Variants in DDX46 observed in about 807,000 individuals in gnomAD.
DDX46 encodes the protein DEAD-box helicase 46.
Under a neutral mutation model 134.9 loss-of-function variants are expected in DDX46, and 30 were observed. The ratio of observed to expected loss-of-function variants is 0.22; its 90% CI spans 0.17 to 0.30. The LOEUF (loss-of-function observed/expected upper bound fraction) is 0.30, where lower values mean the gene tolerates loss of function less well. Among genes scored for constraint, DDX46 ranks in the 10% least tolerant of loss-of-function variants. The pLI, the probability that DDX46 is intolerant of heterozygous loss-of-function variation, is 1.00. For synonymous variants in DDX46, 415 were observed against 404.1 expected (o/e 1.03, Z -0.32); for missense variants, 622 against 1,248.7 (o/e 0.50, Z 7.56).
intron 13 of DDX46, among the ~76,000 whole-genome samples, chr5:134,792,216 C>T (rs1303724940): frequency 6.6e-6 from 1 of 151,886 alleles, no homozygotes; most frequent in East Asian, 1.9e-4. Flanking sequence ...TAATAATAAT[C>T]AGCTTTGAGT....
chr5:134,807,664 T>G, intron 15 of DDX46, 84 bp from the exon 16 acceptor site: 2 of 1,264,116 alleles, frequency 1.6e-6, no homozygotes, highest in African/African-American at 1.5e-5. Flanking sequence ...TGTCAATTTG[T>G]TCTTCACTGA....
At chr5:134,780,631 A>C (rs554381331) in intron 6 of DDX46, 136 of 150,610 alleles carry the variant, frequency 9.0e-4, no homozygotes, top group African/African-American at 3.2e-3. Context: ...AATTATTTAT[A>C]ATACAGTAAA....
chr5:134,767,203 T>C, intron 3 of DDX46, 143 bp downstream of exon 3: 1 of 1,010,472 alleles, frequency 9.9e-7, no homozygotes, highest in Non-Finnish European at 1.4e-6. Flanking sequence ...GGCAGTGTTT[T>C]ATTTTAATTG....
chr5:134,764,481 C>T (rs1580768961), intron 2 of DDX46, among the ~76,000 whole-genome samples: 1 of 152,212 alleles, frequency 6.6e-6, no homozygotes, highest in Middle Eastern at 3.4e-3. Flanking sequence ...CGGTGTTTTG[C>T]CATGTTGGCC....
At chr5:134,815,706 C>CAAAAAAA (rs374562980) in intron 18 of DDX46, among the ~76,000 whole-genome samples, 8 of 28,696 alleles carry the variant, frequency 2.8e-4, no homozygotes, top group East Asian at 7.8e-4. Context: ...GACTCTGTCT[C>CAAAAAAA]AAAAAAAAAA....
At chr5:134,820,519 T>C (rs1260255919) in intron 21 of DDX46, among the ~76,000 whole-genome samples, 1 of 152,054 alleles carries the variant, frequency 6.6e-6, no homozygotes, top group Non-Finnish European at 1.5e-5. Context: ...TGTGCTACCA[T>C]ACCTGGCTAA....
chr5:134,826,928 C>G lies in DDX46; in HGVS notation c.2978-19C>G, dbSNP rs970336667. 2 of 1,609,476 alleles carry G rather than the reference C, an allele frequency of 1.2e-6. No homozygotes were observed. The highest frequency in any genetic ancestry group is 1.7e-6 in the Non-Finnish European group (2 of 1,178,124). On this transcript the variant is annotated intron_variant, in intron 21 of 22. Coordinates refer to ENST00000452510, the MANE Select transcript of DDX46 (RefSeq NM_001300860.2). ...TAAGTTTAGTAATTTGAATAATATG[C>G]TTTCCACTCAATCACTAGGTGCCAA...
chr5:134,768,311 C>T (rs970688073), intron 3 of DDX46, among the ~76,000 whole-genome samples: 6 of 151,690 alleles, frequency 4.0e-5, no homozygotes, highest in South Asian at 2.1e-4. Flanking sequence ...GGGGTTTCAC[C>T]GTGTTAGCCA....
intron 21 of DDX46, among the ~76,000 whole-genome samples, chr5:134,823,128 T>C (rs1755499512): frequency 6.6e-6 from 1 of 151,962 alleles, no homozygotes; most frequent in African/African-American, 2.4e-5. Context: ...AACTCAGGTT[T>C]TGTTTATCTG....
At chr5:134,792,757 A>G (rs568352553) in intron 13 of DDX46, among the ~76,000 whole-genome samples, 1 of 152,316 alleles carries the variant, frequency 6.6e-6, no homozygotes, top group East Asian at 1.9e-4. Flanking sequence ...GCATTATCTC[A>G]TGTATTTATG....
chr5:134,788,404 A>G, intron 11 of DDX46, 109 bp from the exon 12 acceptor site: 1 of 790,748 alleles, frequency 1.3e-6, no homozygotes, highest in South Asian at 2.0e-5. Context: ...ATAATTAAGC[A>G]GGAAGCTTGG....
chr5:134,765,306 G>A (rs1191396004), intron 2 of DDX46, among the ~76,000 whole-genome samples: 1 of 150,912 alleles, frequency 6.6e-6, no homozygotes, highest in Non-Finnish European at 1.5e-5. Context: ...AGCACTTTGG[G>A]AGGCCAAGGT....
rs150110092 is a variant in DDX46 at position 134,775,790 on chromosome 5, C to T, written c.614-1784C>T. ...TACAAGTGTGAGCCATTACGCCCAG[C>T]CAAGTAGTCGTGATGTCTTAATTCT... On this transcript the variant is annotated intron_variant, in intron 5 of 22. Coordinates refer to ENST00000452510, the MANE Select transcript of DDX46 (RefSeq NM_001300860.2). Among the ~76,000 whole-genome samples, 21 of 152,270 alleles carry T rather than the reference C, an allele frequency of 1.4e-4. No homozygotes were observed. In the East Asian group the frequency reaches 3.5e-3, roughly 25 times the overall value.
At chr5:134,822,794 C>A (rs1755492034) in intron 21 of DDX46, among the ~76,000 whole-genome samples, 1 of 151,968 alleles carries the variant, frequency 6.6e-6, no homozygotes, top group Non-Finnish European at 1.5e-5. Flanking sequence ...CCAGACTGTT[C>A]TTGAACTCCT....
intron 12 of DDX46, among the ~76,000 whole-genome samples, chr5:134,789,578 A>G (rs1419283252): frequency 2.6e-5 from 4 of 151,718 alleles, no homozygotes; most frequent in African/African-American, 9.7e-5. Flanking sequence ...AATGCTGATT[A>G]AATAATCCCT....
chr5:134,779,846 C>T (rs920873621), intron 6 of DDX46, among the ~76,000 whole-genome samples: 2 of 152,218 alleles, frequency 1.3e-5, no homozygotes, highest in African/African-American at 4.8e-5. Flanking sequence ...TGCCTGTAAT[C>T]CCAACATTTT....
chr5:134,800,767 C>T (rs1433053885), intron 15 of DDX46, among the ~76,000 whole-genome samples: 1 of 152,142 alleles, frequency 6.6e-6, no homozygotes, highest in Non-Finnish European at 1.5e-5. Flanking sequence ...CCTCCGCCTC[C>T]CGGGTTCAAG....
chr5:134,763,986 C>T lies in DDX46; in HGVS notation c.100C>T (p.Arg34Cys), dbSNP rs760751038. 3.7e-6 allele frequency: 6 copies of T among 1,614,074 alleles called. No individual in the cohort carries two copies. The highest frequency in any genetic ancestry group is 2.2e-5 in the East Asian group (1 of 44,880). ...SRSPSDKRSK[R>C]GDDRRSRSRD... ...CTCACCCTCAGACAAAAGAAGTAAA[C>T]GTGGAGATGACAGACGGTCTAGAAG... Residue 34 changes from arginine (R) to cysteine (C), a missense_variant, in exon 2 of 23, where the codon CGT (arginine) becomes TGT (cysteine). Around this residue, in one of 8 missense-constraint regions of DDX46, gnomAD observed 244 missense variants for 349.3 expected, o/e 0.70. Transcript: ENST00000452510.
chr5:134,785,088 T>G (rs1754289728), intron 10 of DDX46, among the ~76,000 whole-genome samples: 1 of 152,204 alleles, frequency 6.6e-6, no homozygotes, highest in Non-Finnish European at 1.5e-5. Context: ...CCTCTGTCTG[T>G]GCCCCTCAGA....
Sources: allele counts gnomAD v4.1 joint callset (sites outside exome capture counted in the v4.1 genomes callset), GRCh38; gene constraint gnomAD v4.1.1; regional missense constraint gnomAD v4.1.1; transcripts MANE v1.5; gene names NCBI Gene and HGNC (gene_info 2026-07-23, HGNC 2026-07-21).